HELZ: variants seen among roughly 807,000 people sequenced by gnomAD.
The protein encoded by HELZ is helicase with zinc finger.
Under a neutral mutation model 218.2 loss-of-function variants are expected in HELZ, and 23 were observed. The ratio of observed to expected loss-of-function variants is 0.11; its 90% confidence interval spans 0.08 to 0.15. HELZ has a LOEUF of 0.15. HELZ is among the 10% of genes least tolerant of loss of function. The pLI, the probability that HELZ is intolerant of heterozygous loss-of-function variation, is 1.00. For missense variants in HELZ, 1,813 were observed against 2,353.7 expected, an observed-to-expected ratio of 0.77 and a Z score of 4.75; for synonymous variants, 814 against 829.4, an observed-to-expected ratio of 0.98 and a Z score of 0.32.
rs534938742 is a variant in HELZ at position 67,117,893 on chromosome 17, A to G, written c.3838+2512T>C. 2.0e-5 allele frequency among the ~76,000 whole-genome samples: 3 copies of G among 152,288 alleles called. No individual in the cohort carries two copies. In the South Asian group the frequency reaches 6.2e-4, roughly 32 times the overall value. On this transcript the variant is annotated intron_variant, in intron 27 of 32. Coordinates refer to ENST00000358691, the MANE Select transcript of HELZ (RefSeq NM_014877.4). ...GCTGAAAAAAAAATAAAGACCTAAT[A>G]GAAAAAAATGGAGAGATATATACTC... is the stretch of plus-strand genomic sequence containing the variant.
intron 23 of HELZ, among the ~76,000 whole-genome samples, chr17:67,133,513 G>C (rs1424413954): frequency 2.0e-5 from 3 of 152,094 alleles, no homozygotes; most frequent in Admixed American, 2.0e-4. Context: ...AATGTGGCTT[G>C]ACACTATTCT....
intron 21 of HELZ, 95 bp downstream of exon 21, chr17:67,145,648 A>G: frequency 3.2e-6 from 3 of 930,992 alleles, no homozygotes; most frequent in Non-Finnish European, 5.0e-6. Context: ...TCAATATGCA[A>G]TACAATGTCA....
intron 32 of HELZ, among the ~76,000 whole-genome samples, chr17:67,086,276 AC>A (rs984907634): frequency 3.9e-5 from 6 of 152,156 alleles, no homozygotes; most frequent in African/African-American, 1.4e-4. Flanking sequence ...GGATATATCT[AC>A]TAACCTTCTG....
At chr17:67,110,655 C>T (rs996243007) in intron 28 of HELZ, among the ~76,000 whole-genome samples, 3 of 152,166 alleles carry the variant, frequency 2.0e-5, no homozygotes, top group African/African-American at 7.2e-5. Flanking sequence ...ACCATGCCCC[C>T]ACTCCAATGC....
chr17:67,230,763 C>G (rs2041016923), intron 3 of HELZ, among the ~76,000 whole-genome samples: 1 of 152,128 alleles, frequency 6.6e-6, no homozygotes, highest in African/African-American at 2.4e-5. Flanking sequence ...TTACTACTAC[C>G]ACCAGTACTA....
chr17:67,078,314 A>G lies in HELZ; in HGVS notation c.5767T>C (p.Phe1923Leu), dbSNP rs368006258. The G allele has an allele frequency of 1.1e-5, 17 of 1,614,084 alleles. No homozygotes were observed. The highest frequency in any genetic ancestry group is 1.4e-5 in the Non-Finnish European group (17 of 1,179,976). Residue 1923 changes from phenylalanine to leucine, a missense_variant, in exon 33 of 33, where the codon TTC becomes CTC. By Grantham distance (22) the Phe-to-Leu change is conservative. Transcript: ENST00000358691. Reference sequence around the variant, plus strand: ...GAGCTCCCTAGGCTCAGTTCCTGGAAGAGAGACAGAGGGTCGCTACTCTTC... The same window carrying G: ...GAGCTCCCTAGGCTCAGTTCCTGGAGGAGAGACAGAGGGTCGCTACTCTTC... ...AKKSSDPLSL[F>L]QELSLGSSSG...
At chr17:67,115,829 A>G (rs2037407862) in intron 27 of HELZ, among the ~76,000 whole-genome samples, 1 of 152,168 alleles carries the variant, frequency 6.6e-6, no homozygotes, top group African/African-American at 2.4e-5. Flanking sequence ...CTTTCAGGCA[A>G]AAGAAAAATT....
Position 67,073,616 on chromosome 17 carries a change from C to T in HELZ, c.*4636G>A, listed in dbSNP as rs893059088. 1 of 152,132 alleles carries T rather than the reference C, an allele frequency of 6.6e-6. No homozygotes were observed. The highest frequency in any genetic ancestry group is 1.5e-5 in the Non-Finnish European group (1 of 68,038). The allele number at this position is 152,132 out of a possible 1,614,324, so 9.4% of individuals were successfully genotyped here. ...CTAGATTCTTCTATTAGGTACCTCC[C>T]TCCAAAAAATTTTTAGAAACTCTGG... On this transcript the variant is annotated 3_prime_UTR_variant, in exon 33 of 33. Coordinates refer to ENST00000358691, the MANE Select transcript of HELZ (RefSeq NM_014877.4).
intron 20 of HELZ, among the ~76,000 whole-genome samples, chr17:67,146,797 TAATC>T (rs2038512168): frequency 6.6e-6 from 1 of 152,224 alleles, no homozygotes; most frequent in Non-Finnish European, 1.5e-5. Flanking sequence ...ATGGCTGACA[TAATC>T]AATATTATTA....
At chr17:67,244,867 A>G in intron 1 of HELZ, 2 of 985,596 alleles carry the variant, frequency 2.0e-6, no homozygotes, top group Non-Finnish European at 2.4e-6. Flanking sequence ...CCAGGCGTGC[A>G]AGGCCCCCTC....
At chr17:67,160,425 A>T in intron 16 of HELZ, 63 bp from the exon 17 acceptor site, 1 of 1,128,842 alleles carries the variant, frequency 8.9e-7, no homozygotes, top group South Asian at 1.3e-5. Flanking sequence ...AAGCAGTATA[A>T]TACCAAAAAA....
intron 3 of HELZ, chr17:67,224,802 G>A: frequency 8.6e-7 from 1 of 1,164,800 alleles, no homozygotes; most frequent in Non-Finnish European, 1.3e-6. Flanking sequence ...AAACGACACA[G>A]TACAAGGGCA....
At chr17:67,234,683 A>G (rs1238658755) in intron 3 of HELZ, among the ~76,000 whole-genome samples, 2 of 152,046 alleles carry the variant, frequency 1.3e-5, no homozygotes, top group Non-Finnish European at 2.9e-5. Flanking sequence ...AAAAATAAAA[A>G]TAACAAAAAG....
chr17:67,166,093 C>A (rs1398610322), intron 15 of HELZ, among the ~76,000 whole-genome samples: 1 of 152,090 alleles, frequency 6.6e-6, no homozygotes, highest in Non-Finnish European at 1.5e-5. Flanking sequence ...AATGATCATG[C>A]CACTACACTT....
Position 67,195,485 on chromosome 17 carries a change from A to T in HELZ, c.430-15T>A. ...CTAGTTGCTGTCTGCAATTTTCCAA[A>T]TGAAAGAATTTTTTAAACAAGAATA... is the stretch of plus-strand genomic sequence containing the variant. On this transcript the variant is annotated splice_polypyrimidine_tract_variant and intron_variant, in intron 7 of 32. Coordinates refer to ENST00000358691, the MANE Select transcript of HELZ (RefSeq NM_014877.4). 1 of 1,553,974 alleles carries T rather than the reference A, an allele frequency of 6.4e-7. No individual in the cohort carries two copies. Among genetic ancestry groups the T allele is most frequent in the Non-Finnish European group, 8.9e-7 (1 of 1,126,138 alleles).
chr17:67,233,759 T>C (rs1205435249), intron 3 of HELZ, among the ~76,000 whole-genome samples: 3 of 152,066 alleles, frequency 2.0e-5, no homozygotes, highest in African/African-American at 7.2e-5. Flanking sequence ...GACTTCCCTA[T>C]TCTTTTTTTT....
intron 9 of HELZ, among the ~76,000 whole-genome samples, chr17:67,192,124 C>A (rs1172024071): frequency 1.3e-5 from 2 of 151,946 alleles, no homozygotes; most frequent in Non-Finnish European, 2.9e-5. Flanking sequence ...ATCGCTTGAA[C>A]CCGGGAGGCG....
chr17:67,168,377 G>A (rs1270119984), intron 13 of HELZ, among the ~76,000 whole-genome samples: 1 of 152,066 alleles, frequency 6.6e-6, no homozygotes, highest in Non-Finnish European at 1.5e-5. Context: ...AAACACCTGA[G>A]TATTTAAAAT....
At chr17:67,142,975 G>A (rs2038378168) in intron 21 of HELZ, among the ~76,000 whole-genome samples, 1 of 151,852 alleles carries the variant, frequency 6.6e-6, no homozygotes. Context: ...TGCCCAGGCT[G>A]GTCTCGAAGT....
Sources: gnomAD v4.1 joint callset for allele counts (sites outside exome capture counted in the v4.1 genomes callset) on GRCh38, gnomAD v4.1.1 for gene constraint, MANE v1.5 for transcripts, NCBI Gene and HGNC (gene_info 2026-07-23, HGNC 2026-07-21) for gene names.